The following ZNF287 variants were observed in gnomAD, a reference collection of about 807,000 sequenced individuals.
ZNF287 encodes zinc finger protein 287, also known as zinc finger protein with KRAB and SCAN domains 13.
ZNF287 carries 31 observed loss-of-function variants against 73.7 expected under a neutral mutation model. That is an observed-to-expected ratio of 0.42 (90% CI 0.32 to 0.57). ZNF287 has a LOEUF of 0.57. Among genes scored for constraint, ZNF287 ranks in the 20% least tolerant of loss-of-function variants. The probability of loss-of-function intolerance (pLI) is 0.13; values close to 1 mark genes in which losing one functional copy is unlikely to be tolerated. For missense variants in ZNF287, 641 were observed against 909.3 expected (o/e 0.70, Z 3.79); for synonymous variants, 301 against 307.2 (o/e 0.98, Z 0.21).
intron 5 of ZNF287, chr17:16,558,987 A>G (rs1445475012): frequency 6.6e-6 from 1 of 152,122 alleles, no homozygotes; most frequent in African/African-American, 2.4e-5. Context: ...AACAACAGCA[A>G]TAAAATAAAA....
intron 5 of ZNF287, among the ~76,000 whole-genome samples, chr17:16,561,828 G>T (rs1421330955): frequency 6.6e-6 from 1 of 152,140 alleles, no homozygotes; most frequent in Non-Finnish European, 1.5e-5. Context: ...TTCTGTACTG[G>T]GGAGAAAAAT....
chr17:16,563,724 C>T lies in ZNF287; in HGVS notation c.603G>A (p.Gln201=), dbSNP rs777239033. The change falls in exon 4 of 6, where the codon CAG becomes CAA. Residue 201 remains glutamine, a synonymous_variant. Transcript: ENST00000395825. ...QKELYKTVTL[Q]NYWNMVSLGL... is the part of the protein sequence containing the mutation. ...CCAGAGAAACCATGTTCCAATAGTTCTGTAACGTCACAGTCTTGTATAATT... is the reference window on the plus strand; with the variant it reads ...CCAGAGAAACCATGTTCCAATAGTTTTGTAACGTCACAGTCTTGTATAATT... 4 of 1,613,640 alleles carry T rather than the reference C, an allele frequency of 2.5e-6. No homozygotes were observed. The Admixed American group carries it at 5.0e-5, about 20-fold the overall frequency.
At position 16,550,961 on chromosome 17, in the gene ZNF287, T is replaced by G. The variant is rs556239891; in HGVS notation, c.*895A>C. 3.2e-4 allele frequency among the ~76,000 whole-genome samples: 48 copies of G among 152,220 alleles called. No individual in the cohort carries two copies. The highest frequency in any genetic ancestry group is 1.2e-3 in the African/African-American group (48 of 41,486). On this transcript the variant is annotated 3_prime_UTR_variant, in exon 6 of 6. Transcript: ENST00000395825. ...TTGAGGCATTTAATTTTTGCCTGTTTAACTAAATCTCTACACATCTAATGT... is the reference window on the plus strand; with the variant it reads ...TTGAGGCATTTAATTTTTGCCTGTTGAACTAAATCTCTACACATCTAATGT...
In ZNF287 at chr17:16,551,830, A is replaced by G; in HGVS notation, c.*26T>C. ...AAACAAAATTGAAACAAAGTTGTAA[A>G]ACCGAATTGAAGTTTCCCTTATCCA... On this transcript the variant is annotated 3_prime_UTR_variant, in exon 6 of 6. Transcript: ENST00000395825. 1 of 1,542,008 alleles carries G rather than the reference A, an allele frequency of 6.5e-7. No individual in the cohort carries two copies. Among genetic ancestry groups the G allele is most frequent in the East Asian group, 2.3e-5 (1 of 44,244 alleles).
chr17:16,547,538 A>G lies in ZNF287; in HGVS notation c.*4318T>C, dbSNP rs561620633. On this transcript the variant is annotated 3_prime_UTR_variant, in exon 6 of 6. Coordinates refer to ENST00000395825, the MANE Select transcript of ZNF287 (RefSeq NM_020653.4). ...AAGTTTATCCCAGTTATGTAATTAT[A>G]TCCCTCATTACACAGATATTAGGTA... Among the ~76,000 whole-genome samples the G allele has an allele frequency of 8.5e-5, 13 of 152,332 alleles. No individual in the cohort carries two copies. Among genetic ancestry groups the G allele is most frequent in the African/African-American group, 3.1e-4 (13 of 41,568 alleles).
intron 5 of ZNF287, among the ~76,000 whole-genome samples, chr17:16,560,788 G>C (rs1467681113): frequency 1.3e-5 from 2 of 151,536 alleles, no homozygotes; most frequent in African/African-American, 2.4e-5. Context: ...TGGATCACAA[G>C]GTCAGGAGAT....
At position 16,549,042 on chromosome 17, in the gene ZNF287, G is replaced by A. The variant is rs1906466964; in HGVS notation, c.*2814C>T. On this transcript the variant is annotated 3_prime_UTR_variant, in exon 6 of 6. Coordinates refer to ENST00000395825, the MANE Select transcript of ZNF287 (RefSeq NM_020653.4). ...TATTTAGAGATGAAATGTCATGTCT[G>A]TAAGTTACTTTCCAATGTTTGGTTA... is the stretch of plus-strand genomic sequence containing the variant. Among the ~76,000 whole-genome samples the A allele has an allele frequency of 6.6e-6, 1 of 151,954 alleles. No individual in the cohort carries two copies. The highest frequency in any genetic ancestry group is 1.5e-5 in the Non-Finnish European group (1 of 68,002).
intron 3 of ZNF287, among the ~76,000 whole-genome samples, chr17:16,565,842 C>T (rs555559101): frequency 1.3e-5 from 2 of 152,202 alleles, no homozygotes; most frequent in Non-Finnish European, 2.9e-5. Context: ...CAAAAATTAG[C>T]CAGGCATGGT....
At chr17:16,563,929 G>C in intron 3 of ZNF287, 104 bp from the exon 4 acceptor site, 4 of 1,367,724 alleles carry the variant, frequency 2.9e-6, no homozygotes, top group Non-Finnish European at 3.9e-6. Flanking sequence ...AGAATTTTAA[G>C]CTTTAGTAGG....
At chr17:16,560,539 A>G (rs1001566299) in intron 5 of ZNF287, among the ~76,000 whole-genome samples, 2 of 151,174 alleles carry the variant, frequency 1.3e-5, no homozygotes. Flanking sequence ...CAGTAGAGAC[A>G]GAGTTTCACT....
In ZNF287 at chr17:16,559,956, A is replaced by ATT. The variant is rs201729649; in HGVS notation, c.715+3188_715+3189dup. The stretch of plus-strand genomic sequence containing the variant: ...CATACACATCCATATATATATATAT[A>ATT]TTTTTCTTTTTTCTGAGATGGAGTC... On this transcript the variant is annotated intron_variant, in intron 5 of 5. Coordinates refer to ENST00000395825, the MANE Select transcript of ZNF287 (RefSeq NM_020653.4). Among the ~76,000 whole-genome samples, 358 of 151,840 alleles carry ATT rather than the reference A, an allele frequency of 2.4e-3. 4 individuals carry two copies. Among genetic ancestry groups the ATT allele is most frequent in the African/African-American group, 8.3e-3 (344 of 41,418 alleles).
At position 16,563,963 on chromosome 17, in the gene ZNF287, A is replaced by G. The variant is rs574324789; in HGVS notation, c.502-138T>C. 1.1e-3 allele frequency: 1,054 copies of G among 955,288 alleles called. 3 individuals are homozygous for G. Among genetic ancestry groups the G allele is most frequent in the South Asian group, 2.3e-3 (119 of 52,184 alleles). 59.2% of individuals were successfully genotyped at this position (955,288 alleles called of 1,614,324 possible). A position where few individuals can be genotyped will look rare whatever the true frequency, so the allele number is the denominator to read the frequency against. ...GGATCCTAGAAGTTGTCTAGTCAAA[A>G]CCCTCCCCTGACATATGGACAGCCC... On this transcript the variant is annotated intron_variant, in intron 3 of 5. Coordinates refer to ENST00000395825, the MANE Select transcript of ZNF287 (RefSeq NM_020653.4).
chr17:16,553,214 A>T lies in ZNF287; in HGVS notation c.928T>A (p.Cys310Ser). The change falls in exon 6 of 6, where the codon TGT (cysteine) becomes AGT (serine). Residue 310 changes from cysteine (C) to serine (S), a missense_variant. Physicochemically the swap from Cys to Ser is moderately radical, Grantham distance 112. Around this residue, in one of 2 missense-constraint regions of ZNF287, gnomAD observed 357 missense variants for 442.4 expected, o/e 0.81. Coordinates refer to ENST00000395825, the MANE Select transcript of ZNF287 (RefSeq NM_020653.4). ...CTATATATATCATATTTACTAAGAC[A>T]TTCTTCTGTAGGATCATATTCTTGT... ...LSQEYDPTEECLSKYDIYRNN... is the reference protein window; with the variant it reads ...LSQEYDPTEESLSKYDIYRNN... The T allele has an allele frequency of 6.2e-7, 1 of 1,604,264 alleles. No individual in the cohort carries two copies. Among genetic ancestry groups the T allele is most frequent in the Non-Finnish European group, 8.5e-7 (1 of 1,171,398 alleles).
At position 16,547,379 on chromosome 17, in the gene ZNF287, T is replaced by G. The variant is rs1047860691; in HGVS notation, c.*4477A>C. Among the ~76,000 whole-genome samples, 2 of 152,224 alleles carry G rather than the reference T, an allele frequency of 1.3e-5. No individual in the cohort carries two copies. The highest frequency in any genetic ancestry group is 1.9e-4 in the East Asian group (1 of 5,206). On this transcript the variant is annotated 3_prime_UTR_variant, in exon 6 of 6. Coordinates refer to ENST00000395825, the MANE Select transcript of ZNF287 (RefSeq NM_020653.4). ...TTGGCAGATTAACTGACAAGTTCTA[T>G]TCCCTTGTAAATTTCCTGATGGCAT...
Position 16,550,594 on chromosome 17 carries a change from G to A in ZNF287, c.*1262C>T, listed in dbSNP as rs1311290810. Among the ~76,000 whole-genome samples the A allele has an allele frequency of 3.9e-5, 6 of 152,078 alleles. No individual in the cohort carries two copies. The highest frequency in any genetic ancestry group is 1.4e-4 in the African/African-American group (6 of 41,410). ...CAACCCATTTTAGCAGGTTGCTTATGCTCAACCCATGACAAAATATCACAT... is the reference window on the plus strand; with the variant it reads ...CAACCCATTTTAGCAGGTTGCTTATACTCAACCCATGACAAAATATCACAT... On this transcript the variant is annotated 3_prime_UTR_variant, in exon 6 of 6. Coordinates refer to ENST00000395825, the MANE Select transcript of ZNF287 (RefSeq NM_020653.4).
chr17:16,568,947 A>C lies in ZNF287; in HGVS notation c.-199+5T>G, dbSNP rs916814226. On this transcript the variant is annotated splice_donor_5th_base_variant and intron_variant, in intron 1 of 5. Transcript: ENST00000395825. The stretch of plus-strand genomic sequence containing the variant: ...CACTCGCGCGCTGCGCCCGGACATC[A>C]ATACCTGTCGCTGGGACCCGGCCGA... The C allele has an allele frequency of 6.6e-6, 1 of 152,318 alleles. No homozygotes were observed. 9.4% of individuals were successfully genotyped at this position (152,318 alleles called of 1,614,324 possible). A position where few individuals can be genotyped will look rare whatever the true frequency, so the allele number is the denominator to read the frequency against.
In ZNF287 at chr17:16,551,982, A is replaced by C; in HGVS notation, c.2160T>G (p.Ile720Met). The C allele has an allele frequency of 6.2e-7, 1 of 1,614,154 alleles. No individual in the cohort carries two copies. Among genetic ancestry groups the C allele is most frequent in the East Asian group, 2.2e-5 (1 of 44,876 alleles). The change falls in exon 6 of 6, where the codon ATT (isoleucine) becomes ATG (methionine). Residue 720 changes from isoleucine to methionine, a missense_variant. Coordinates refer to ENST00000395825, the MANE Select transcript of ZNF287 (RefSeq NM_020653.4). Reference protein sequence around the residue: ...DKDFSQRTCLIQHQRIHTGEK... With the variant: ...DKDFSQRTCLMQHQRIHTGEK... ...CTCCTGTGTGAATTCTCTGGTGTTG[A>C]ATAAGGCATGTTCTCTGGCTAAAAT...
chr17:16,561,990 G>C (rs754651184), intron 5 of ZNF287, among the ~76,000 whole-genome samples: 8 of 152,114 alleles, frequency 5.3e-5, no homozygotes, highest in Non-Finnish European at 1.0e-4. Context: ...AGGTATTTAG[G>C]GGTTGTCTTG....
At chr17:16,553,694 A>G (rs145462946) in intron 5 of ZNF287, among the ~76,000 whole-genome samples, 84 of 152,348 alleles carry the variant, frequency 5.5e-4, no homozygotes, top group African/African-American at 1.9e-3. Flanking sequence ...AGAGAAGTCA[A>G]AACAGTGATA....
Sources: gnomAD v4.1 joint callset for allele counts (sites outside exome capture counted in the v4.1 genomes callset) on GRCh38, gnomAD v4.1.1 for gene constraint, gnomAD v4.1.1 regional missense constraint, MANE v1.5 for transcripts, NCBI Gene and HGNC (gene_info 2026-07-23, HGNC 2026-07-21) for gene names.